Variants in ICA1 observed in about 807,000 individuals in gnomAD.
The protein encoded by ICA1 is islet cell autoantigen 1, also known as 69 kDa islet cell autoantigen.
In ICA1, 40 loss-of-function variants were observed where a neutral mutation model predicts 71.0. That is an observed-to-expected ratio of 0.56 (90% CI 0.44 to 0.73). The LOEUF (loss-of-function observed/expected upper bound fraction) is 0.73, where lower values mean the gene tolerates loss of function less well. ICA1 is among the 30% of genes least tolerant of loss of function. ICA1 has a pLI of 0.00. For missense variants in ICA1, 578 were observed against 576.5 expected (o/e 1.00, Z -0.03); for synonymous variants, 207 against 209.5 (o/e 0.99, Z 0.10).
chr7:8,179,499 C>T (rs1446393940), intron 6 of ICA1, among the ~76,000 whole-genome samples: 4 of 152,216 alleles, frequency 2.6e-5, no homozygotes, highest in Admixed American at 6.5e-5. Flanking sequence ...TCTCAAAATT[C>T]GTTTTCATAC....
At chr7:8,139,646 T>C (rs1162227150) in intron 10 of ICA1, among the ~76,000 whole-genome samples, 1 of 152,134 alleles carries the variant, frequency 6.6e-6, no homozygotes, top group Non-Finnish European at 1.5e-5. Context: ...ACACCAAGCG[T>C]GAATGCTAAT....
At chr7:8,228,273 T>C (rs1052201388) in intron 4 of ICA1, among the ~76,000 whole-genome samples, 1 of 150,516 alleles carries the variant, frequency 6.6e-6, no homozygotes, top group African/African-American at 2.5e-5. Context: ...AAATTGGATA[T>C]CAGAGAGTGA....
chr7:8,168,433 G>C (rs1806980772), intron 6 of ICA1, among the ~76,000 whole-genome samples: 1 of 152,198 alleles, frequency 6.6e-6, no homozygotes, highest in South Asian at 2.1e-4. Flanking sequence ...ATAAATATCA[G>C]ATCCAGACTC....
Position 8,226,887 on chromosome 7 carries a change from T to A in ICA1, c.256+1714A>T, listed in dbSNP as rs1208881569. Among the ~76,000 whole-genome samples the A allele has an allele frequency of 1.3e-5, 2 of 152,136 alleles. No homozygotes were observed. Among genetic ancestry groups the A allele is most frequent in the African/African-American group, 4.8e-5 (2 of 41,424 alleles). ...TAATCTGAGGTGGTTTAGGGGGAAG[T>A]TTTTCCTCTATATTCTTTTAGAAAC... On this transcript the variant is annotated intron_variant, in intron 4 of 13. Transcript: ENST00000402384. The surrounding 1 kb of genome is among the most constrained non-coding windows in gnomAD (Gnocchi z 4.4).
intron 6 of ICA1, among the ~76,000 whole-genome samples, chr7:8,170,143 C>G (rs367918478): frequency 6.6e-6 from 1 of 151,864 alleles, no homozygotes; most frequent in Non-Finnish European, 1.5e-5. Flanking sequence ...CTTGAAAAAC[C>G]GCCTTAACTT....
intron 3 of ICA1, among the ~76,000 whole-genome samples, chr7:8,230,192 G>A (rs1336099548): frequency 6.6e-6 from 1 of 152,220 alleles, no homozygotes; most frequent in Non-Finnish European, 1.5e-5. Flanking sequence ...TTATTGTACT[G>A]AAGAGCTGTT....
In ICA1 at chr7:8,229,932, C is replaced by T. The variant is rs142621730; in HGVS notation, c.184-1259G>A. Among the ~76,000 whole-genome samples, 163 of 152,236 alleles carry T rather than the reference C, an allele frequency of 1.1e-3. 1 individual carries two copies. The highest frequency in any genetic ancestry group is 3.7e-3 in the African/African-American group (155 of 41,554). ...TATTTCCTGAATATAGGAGCAAGGA[C>T]GTTCAAAAAGTATGTTTAGGAGTTG... On this transcript the variant is annotated intron_variant, in intron 3 of 13. Coordinates refer to ENST00000402384, the MANE Select transcript of ICA1 (RefSeq NM_001136020.3).
intron 1 of ICA1, among the ~76,000 whole-genome samples, chr7:8,237,835 C>CACACACACAA (rs1554373650): frequency 1.3e-4 from 19 of 151,850 alleles, no homozygotes; most frequent in African/African-American, 4.6e-4. Context: ...CACACACACA[C>CACACACACAA]ACACACACAC....
At chr7:8,121,560 G>C (rs552413480) in intron 13 of ICA1, among the ~76,000 whole-genome samples, 1 of 152,322 alleles carries the variant, frequency 6.6e-6, no homozygotes, top group South Asian at 2.1e-4. Flanking sequence ...AAACAATTCA[G>C]TTCATGGAAA....
At chr7:8,152,156 C>T (rs985210112) in intron 8 of ICA1, among the ~76,000 whole-genome samples, 15 of 152,092 alleles carry the variant, frequency 9.9e-5, no homozygotes, top group African/African-American at 3.4e-4. Context: ...ATCGAGCTGC[C>T]AGAGTGTCTG....
chr7:8,124,331 T>C (rs554949991), intron 13 of ICA1, among the ~76,000 whole-genome samples: 1 of 151,632 alleles, frequency 6.6e-6, no homozygotes, highest in East Asian at 1.9e-4. Flanking sequence ...ATTTTGGCCA[T>C]GATGGTCTCG....
In ICA1 at chr7:8,221,556, C is replaced by G. The variant is rs561585763; in HGVS notation, c.257-158G>C. 2.0e-5 allele frequency among the ~76,000 whole-genome samples: 3 copies of G among 152,166 alleles called. No individual in the cohort carries two copies. The East Asian group carries it at 5.8e-4, about 29-fold the overall frequency. On this transcript the variant is annotated intron_variant, in intron 4 of 13. Coordinates refer to ENST00000402384, the MANE Select transcript of ICA1 (RefSeq NM_001136020.3). The stretch of plus-strand genomic sequence containing the variant: ...CTACAGGGTAAGCTCCCCCTACCCC[C>G]CATTTAACTTTCAGGCTGTTCTTCC...
intron 10 of ICA1, 148 bp from the exon 11 acceptor site, chr7:8,139,195 GAC>G: frequency 1.6e-6 from 1 of 610,408 alleles, no homozygotes; most frequent in South Asian, 2.2e-5. Flanking sequence ...GATTACACTG[GAC>G]TCCTGCTATC....
chr7:8,204,786 T>C (rs975949415), intron 6 of ICA1, among the ~76,000 whole-genome samples: 1 of 152,172 alleles, frequency 6.6e-6, no homozygotes, highest in Non-Finnish European at 1.5e-5. Context: ...CGTAAGAAAG[T>C]TCATCAAATC....
At chr7:8,239,707 T>C (rs910498208) in intron 1 of ICA1, among the ~76,000 whole-genome samples, 1 of 152,226 alleles carries the variant, frequency 6.6e-6, no homozygotes, top group African/African-American at 2.4e-5. Flanking sequence ...TACTGCACTT[T>C]TCCAACAGTC....
At chr7:8,159,488 G>C (rs1436268345) in intron 6 of ICA1, among the ~76,000 whole-genome samples, 2 of 152,196 alleles carry the variant, frequency 1.3e-5, no homozygotes, top group Admixed American at 1.3e-4. Flanking sequence ...GAGGTGGGTG[G>C]ATCACTTGAT....
intron 12 of ICA1, among the ~76,000 whole-genome samples, chr7:8,131,349 G>A (rs1791373695): frequency 1.3e-5 from 2 of 152,118 alleles, no homozygotes; most frequent in Admixed American, 1.3e-4. Flanking sequence ...TTCAAATAGG[G>A]TTTTTCTATC....
At chr7:8,258,106 C>T (rs551269773) in intron 1 of ICA1, among the ~76,000 whole-genome samples, 3 of 152,248 alleles carry the variant, frequency 2.0e-5, no homozygotes, top group South Asian at 4.1e-4. Context: ...GGTGGGATGC[C>T]CCCGCCCTGG....
At chr7:8,177,399 T>G (rs1780947404) in intron 6 of ICA1, among the ~76,000 whole-genome samples, 1 of 152,180 alleles carries the variant, frequency 6.6e-6, no homozygotes, top group South Asian at 2.1e-4. Flanking sequence ...CTGGGTTCAC[T>G]TCCTCTTTCA....
Sources: allele counts gnomAD v4.1 joint callset (sites outside exome capture counted in the v4.1 genomes callset), GRCh38; gene constraint gnomAD v4.1.1; non-coding constraint Gnocchi (gnomAD v3.1); transcripts MANE v1.5; gene names NCBI Gene and HGNC (gene_info 2026-07-23, HGNC 2026-07-21).